Variants in ADAMTS9 observed in about 807,000 individuals in gnomAD.
ADAMTS9 encodes ADAM metallopeptidase with thrombospondin type 1 motif 9, also known as A disintegrin and metalloproteinase with thrombospondin motifs 9.
ADAMTS9 carries 107 observed loss-of-function variants against 257.1 expected under a neutral mutation model. The ratio of observed to expected loss-of-function variants is 0.42; its 90% confidence interval spans 0.36 to 0.49. The LOEUF (loss-of-function observed/expected upper bound fraction) is 0.49. ADAMTS9 is among the 20% of genes least tolerant of loss of function. The pLI, the probability that ADAMTS9 is intolerant of heterozygous loss-of-function variation, is 0.03. For missense variants in ADAMTS9, 2,353 were observed against 2,469.1 expected, an observed-to-expected ratio of 0.95 and a Z score of 1.00; for synonymous variants, 982 against 880.9, an observed-to-expected ratio of 1.11 and a Z score of -2.03.
chr3:64,561,576 A>G lies in ADAMTS9; in HGVS notation c.4698+2T>C. ...CAGGTACCCCTTTGTGGCTCTACTT[A>G]CTTCTTGCCATTCCTCTGCCCTCCA... On this transcript the variant is annotated splice_donor_variant, in intron 30 of 39. Coordinates refer to ENST00000498707, the MANE Select transcript of ADAMTS9 (RefSeq NM_182920.2). LOFTEE classifies it high-confidence loss of function. 6.2e-7 allele frequency: 1 copy of G among 1,612,054 alleles called. No homozygotes were observed. The highest frequency in any genetic ancestry group is 8.5e-7 in the Non-Finnish European group (1 of 1,179,056).
At position 64,616,117 on chromosome 3, in the gene ADAMTS9, C is replaced by A; in HGVS notation, c.2867G>T (p.Arg956Leu). 6.2e-7 allele frequency: 1 copy of A among 1,614,094 alleles called. No homozygotes were observed. The highest frequency in any genetic ancestry group is 8.5e-7 in the Non-Finnish European group (1 of 1,179,988). Residue 956 changes from arginine to leucine, a missense_variant, in exon 20 of 40, where the codon CGC (arginine) becomes CTC (leucine). This residue lies in a region of ADAMTS9 where 1,402 missense variants were observed against 1,441.4 expected (regional missense o/e 0.97). Coordinates refer to ENST00000498707, the MANE Select transcript of ADAMTS9 (RefSeq NM_182920.2). ...ECSAQCGLGY[R>L]TLDIYCAKYS... The stretch of plus-strand genomic sequence containing the variant: ...TTTGGCACAGTAGATGTCCAATGTG[C>A]GGTAACCCAAGCCACACTGGGCACT...
chr3:64,561,479 G>T, intron 30 of ADAMTS9, 99 bp downstream of exon 30: 1 of 1,345,994 alleles, frequency 7.4e-7, no homozygotes, highest in Non-Finnish European at 1.0e-6. Context: ...TTGTAACCGT[G>T]CTCGGTGACT....
At chr3:64,662,955 T>C (rs924177012) in intron 3 of ADAMTS9, among the ~76,000 whole-genome samples, 1 of 152,076 alleles carries the variant, frequency 6.6e-6, no homozygotes, top group Non-Finnish European at 1.5e-5. Context: ...CTTCAGCCGA[T>C]GTGTATGAGG....
intron 3 of ADAMTS9, among the ~76,000 whole-genome samples, chr3:64,663,998 A>T (rs1252730904): frequency 2.0e-5 from 3 of 152,166 alleles, no homozygotes; most frequent in Non-Finnish European, 4.4e-5. Context: ...ATAGAGTTGT[A>T]ATAACAGAAT....
At position 64,681,212 on chromosome 3, in the gene ADAMTS9, C is replaced by T; in HGVS notation, c.668G>A (p.Cys223Tyr). ...QREPSTGRHA[C>Y]DTSEHKNRHS... ...CAAGAAGCAAATACCTGAGGTGTCA[C>T]ATGCATGCCTTCCTGTTGAGGGCTC... Residue 223 changes from cysteine (C) to tyrosine (Y), a missense_variant, in exon 3 of 40, where the codon TGT becomes TAT. Coordinates refer to ENST00000498707, the MANE Select transcript of ADAMTS9 (RefSeq NM_182920.2). 6.2e-7 allele frequency: 1 copy of T among 1,612,676 alleles called. No individual in the cohort carries two copies. The highest frequency in any genetic ancestry group is 8.5e-7 in the Non-Finnish European group (1 of 1,179,538).
chr3:64,519,453 C>A (rs1032278216), intron 39 of ADAMTS9, among the ~76,000 whole-genome samples: 1 of 152,052 alleles, frequency 6.6e-6, no homozygotes, highest in South Asian at 2.1e-4. Context: ...TTCTATGAAA[C>A]CTCTATCATC....
chr3:64,537,566 T>C lies in ADAMTS9; in HGVS notation c.5613+1637A>G, dbSNP rs190990427. On this transcript the variant is annotated intron_variant, in intron 37 of 39. Transcript: ENST00000498707. ...TCTAAAACGTTTAGCAATGCTCTTC[T>C]AAAGCTTGAGGCCGAAAAAACGCCT... Among the ~76,000 whole-genome samples the C allele has an allele frequency of 8.8e-4, 134 of 151,532 alleles. 2 individuals carry two copies. The Middle Eastern group carries it at 0.01, about 12-fold the overall frequency.
Position 64,655,697 on chromosome 3 carries a change from T to C in ADAMTS9, c.1054-6A>G. ...AAAGATATGGAAGGCCCATCCTAAATACAGAGAAGAATTATGGTTAATCTG... is the reference window on the plus strand; with the variant it reads ...AAAGATATGGAAGGCCCATCCTAAACACAGAGAAGAATTATGGTTAATCTG... On this transcript the variant is annotated splice_region_variant and splice_polypyrimidine_tract_variant and intron_variant, in intron 5 of 39. Transcript: ENST00000498707. The C allele has an allele frequency of 6.2e-7, 1 of 1,611,460 alleles. No individual in the cohort carries two copies. The highest frequency in any genetic ancestry group is 8.5e-7 in the Non-Finnish European group (1 of 1,177,550).
At chr3:64,601,331 A>G (rs1344365752) in intron 26 of ADAMTS9, among the ~76,000 whole-genome samples, 1 of 152,222 alleles carries the variant, frequency 6.6e-6, no homozygotes. Context: ...CTCAAAGAGG[A>G]GAAGGGACCT....
intron 28 of ADAMTS9, among the ~76,000 whole-genome samples, chr3:64,585,095 C>T (rs1386014423): frequency 6.6e-6 from 1 of 152,006 alleles, no homozygotes; most frequent in Non-Finnish European, 1.5e-5. Flanking sequence ...AGAGAGGCAC[C>T]CAGTTTGAAC....
chr3:64,546,707 G>T, intron 32 of ADAMTS9, 51 bp downstream of exon 32: 1 of 1,518,516 alleles, frequency 6.6e-7, no homozygotes, highest in South Asian at 1.3e-5. Context: ...TGTTTAAGAC[G>T]GGGTTGAGAT....
At chr3:64,599,651 C>G (rs1280482286) in intron 26 of ADAMTS9, among the ~76,000 whole-genome samples, 1 of 152,190 alleles carries the variant, frequency 6.6e-6, no homozygotes, top group Non-Finnish European at 1.5e-5. Context: ...CAGAATAACT[C>G]AAGAGTGGCA....
chr3:64,535,357 C>A (rs1357365266), intron 37 of ADAMTS9, among the ~76,000 whole-genome samples: 2 of 152,084 alleles, frequency 1.3e-5, no homozygotes, highest in South Asian at 2.1e-4. Flanking sequence ...CCAGCCTGGG[C>A]AACAGAGTGA....
chr3:64,574,506 T>C (rs2083779396), intron 28 of ADAMTS9, among the ~76,000 whole-genome samples: 1 of 136,650 alleles, frequency 7.3e-6, no homozygotes, highest in South Asian at 2.2e-4. Flanking sequence ...GAGGATCACT[T>C]GAACCCAGGA....
In ADAMTS9 at chr3:64,687,668, ACCCCTCCCTCCGCTGCCCCCAC is replaced by A. The variant is rs1701955153; in HGVS notation, c.-33_-12del. The A allele has an allele frequency of 1.1e-5, 15 of 1,416,966 alleles. No individual in the cohort carries two copies. The South Asian group carries it at 1.5e-4, about 14-fold the overall frequency. 87.8% of individuals were successfully genotyped at this position (1,416,966 alleles called of 1,614,324 possible). On this transcript the variant is annotated 5_prime_UTR_variant, in exon 1 of 40. Coordinates refer to ENST00000498707, the MANE Select transcript of ADAMTS9 (RefSeq NM_182920.2). The surrounding 1 kb of genome is among the most constrained non-coding windows in gnomAD (Gnocchi z 4.4). ...GGATACAAACTGCATGGTGCTTCCC[ACCCCTCCCTCCGCTGCCCCCAC>A]CCCCCTCCCTCCTGCCCTCCTTGGC...
At position 64,687,915 on chromosome 3, in the gene ADAMTS9, G is replaced by A. The variant is rs1410848935; in HGVS notation, c.-258C>T. 3 of 341,720 alleles carry A rather than the reference G, an allele frequency of 8.8e-6. No individual in the cohort carries two copies. Among genetic ancestry groups the A allele is most frequent in the African/African-American group, 2.1e-5 (1 of 46,662 alleles). 21.2% of individuals were successfully genotyped at this position (341,720 alleles called of 1,614,324 possible). The stretch of plus-strand genomic sequence containing the variant: ...GGAGCAGGAGGAGGAGGAGGACTGG[G>A]GCTCGGCTGCTTGGCCGCATAATGC... On this transcript the variant is annotated 5_prime_UTR_variant, in exon 1 of 40. Transcript: ENST00000498707. The surrounding 1 kb of genome is among the most constrained non-coding windows in gnomAD (Gnocchi z 4.4).
chr3:64,660,541 G>A (rs1284386878), intron 3 of ADAMTS9, among the ~76,000 whole-genome samples: 1 of 152,138 alleles, frequency 6.6e-6, no homozygotes, highest in African/African-American at 2.4e-5. Flanking sequence ...TGAGCAGTGT[G>A]ATGGACTCTG....
chr3:64,643,541 G>A (rs1227600999), intron 11 of ADAMTS9, among the ~76,000 whole-genome samples: 3 of 137,202 alleles, frequency 2.2e-5, no homozygotes, highest in Non-Finnish European at 4.5e-5. Flanking sequence ...CAGCCTCAAC[G>A]TCCCAGGCTC....
chr3:64,649,465 A>C (rs2106942535), intron 10 of ADAMTS9, among the ~76,000 whole-genome samples, 172 bp downstream of exon 10: 1 of 152,320 alleles, frequency 6.6e-6, no homozygotes. Flanking sequence ...TTTAACACTG[A>C]GCAGCAGTAC....
Sources: allele counts gnomAD v4.1 joint callset (sites outside exome capture counted in the v4.1 genomes callset), GRCh38; gene constraint gnomAD v4.1.1; regional missense constraint gnomAD v4.1.1; non-coding constraint Gnocchi (gnomAD v3.1); transcripts MANE v1.5; gene names NCBI Gene and HGNC (gene_info 2026-07-23, HGNC 2026-07-21).